CNTN3: variants seen among roughly 807,000 people sequenced by gnomAD.
The protein encoded by CNTN3 is contactin-3.
A neutral mutation model predicts 119.1 loss-of-function variants in CNTN3; 60 were observed. The observed-to-expected ratio is 0.50, with a 90% CI of 0.41 to 0.62. The LOEUF (loss-of-function observed/expected upper bound fraction) is 0.62, where lower values mean the gene tolerates loss of function less well. CNTN3 is among the 20% of genes least tolerant of loss of function. The probability of loss-of-function intolerance (pLI) is 0.00; values close to 1 mark genes in which losing one functional copy is unlikely to be tolerated. For missense variants in CNTN3, 1,101 were observed against 1,242.4 expected (o/e 0.89, Z 1.71); for synonymous variants, 450 against 438.7 (o/e 1.03, Z -0.32).
chr3:74,372,249 G>C (rs913220009), intron 5 of CNTN3, among the ~76,000 whole-genome samples: 1 of 152,094 alleles, frequency 6.6e-6, no homozygotes, highest in African/African-American at 2.4e-5. Flanking sequence ...AAGGCACTTA[G>C]TAGGGCCTCA....
intron 5 of CNTN3, among the ~76,000 whole-genome samples, chr3:74,392,338 T>C (rs1704932281): frequency 6.6e-6 from 1 of 152,174 alleles, no homozygotes; most frequent in Non-Finnish European, 1.5e-5. Flanking sequence ...TCCTGTTTTC[T>C]TTCTTTCTTT....
chr3:74,288,159 C>CTTTTTTTTTT (rs3084509), intron 19 of CNTN3, among the ~76,000 whole-genome samples: 47 of 90,342 alleles, frequency 5.2e-4, no homozygotes, highest in Non-Finnish European at 6.7e-4. Context: ...CTTTTCTTTT[C>CTTTTTTTTTT]TTTTTTTTTT....
chr3:74,318,728 G>A, intron 13 of CNTN3, among the ~76,000 whole-genome samples: 1 of 152,128 alleles, frequency 6.6e-6, no homozygotes, highest in East Asian at 1.9e-4. Context: ...TTTTGTCTCA[G>A]AGGAGTACCT....
At chr3:74,595,226 T>C (rs1704784568) in intron 1 of CNTN3, among the ~76,000 whole-genome samples, 1 of 151,920 alleles carries the variant, frequency 6.6e-6, no homozygotes, top group East Asian at 1.9e-4. Flanking sequence ...GCAAAAATTT[T>C]CTCCCATTTT....
chr3:74,432,106 T>C (rs1701793208), intron 4 of CNTN3, among the ~76,000 whole-genome samples: 1 of 152,158 alleles, frequency 6.6e-6, no homozygotes, highest in South Asian at 2.1e-4. Context: ...AGTTATCAAA[T>C]TACATCATTA....
chr3:74,278,321 C>G lies in CNTN3; in HGVS notation c.2704+6984G>C, dbSNP rs144341373. Among the ~76,000 whole-genome samples, 208 of 152,110 alleles carry G rather than the reference C, an allele frequency of 1.4e-3. 5 individuals carry two copies. In the East Asian group the frequency reaches 0.035, roughly 26 times the overall value. On this transcript the variant is annotated intron_variant, in intron 20 of 22. Coordinates refer to ENST00000263665, the MANE Select transcript of CNTN3 (RefSeq NM_020872.3). ...AGAAAGCAAGACTAAGCAAAAAGAA[C>G]AAATCTAGAGGCATCACATTACCTG...
intron 2 of CNTN3, among the ~76,000 whole-genome samples, chr3:74,508,849 T>C (rs900580578): frequency 2.0e-5 from 3 of 152,178 alleles, no homozygotes; most frequent in African/African-American, 4.8e-5. Flanking sequence ...TAGGAGGGAA[T>C]GGGTGACAAC....
intron 2 of CNTN3, among the ~76,000 whole-genome samples, 189 bp downstream of exon 2, chr3:74,520,869 T>G (rs1372941476): frequency 1.3e-5 from 2 of 151,632 alleles, no homozygotes; most frequent in Non-Finnish European, 3.0e-5. Flanking sequence ...AAAAATGGCT[T>G]ACAAAAATAA....
At chr3:74,276,304 C>T (rs1039262627) in intron 20 of CNTN3, among the ~76,000 whole-genome samples, 3 of 152,064 alleles carry the variant, frequency 2.0e-5, no homozygotes, top group East Asian at 1.9e-4. Flanking sequence ...CAGATATATA[C>T]GGAACATTCC....
intron 1 of CNTN3, among the ~76,000 whole-genome samples, chr3:74,530,050 T>C (rs1202035827): frequency 6.6e-6 from 1 of 152,000 alleles, no homozygotes; most frequent in Non-Finnish European, 1.5e-5. Context: ...AGGAGAGTGA[T>C]CTTGGGGAAA....
chr3:74,411,607 T>C (rs1207204109), intron 5 of CNTN3, among the ~76,000 whole-genome samples: 2 of 152,206 alleles, frequency 1.3e-5, no homozygotes, highest in African/African-American at 4.8e-5. Context: ...ATGGGGCCTA[T>C]TACCATTCTG....
intron 4 of CNTN3, among the ~76,000 whole-genome samples, chr3:74,431,816 A>G (rs1701787840): frequency 6.6e-6 from 1 of 152,198 alleles, no homozygotes; most frequent in Non-Finnish European, 1.5e-5. Flanking sequence ...TTAAAAACTG[A>G]AGAGCTCTGC....
chr3:74,608,992 T>A (rs1160264473), intron 1 of CNTN3, among the ~76,000 whole-genome samples: 3 of 151,904 alleles, frequency 2.0e-5, no homozygotes, highest in Admixed American at 1.3e-4. Flanking sequence ...AATGGTAAGG[T>A]TGGAAGTAAA....
At chr3:74,564,220 G>C (rs754612517) in intron 1 of CNTN3, among the ~76,000 whole-genome samples, 8 of 152,006 alleles carry the variant, frequency 5.3e-5, no homozygotes, top group Non-Finnish European at 1.2e-4. Context: ...TCAAACAAAA[G>C]GAGACAGAAG....
At chr3:74,512,739 T>TG (rs1474739201) in intron 2 of CNTN3, among the ~76,000 whole-genome samples, 1 of 148,636 alleles carries the variant, frequency 6.7e-6, no homozygotes, top group East Asian at 2.0e-4. Flanking sequence ...ATGTCATTTG[T>TG]GGCCTTGTAT....
intron 4 of CNTN3, among the ~76,000 whole-genome samples, chr3:74,451,383 T>G (rs577115967): frequency 1.3e-3 from 204 of 152,316 alleles, no homozygotes; most frequent in African/African-American, 4.5e-3. Context: ...CTTGTAAATT[T>G]GTTTCAGTTC....
chr3:74,381,430 C>CA (rs1559573375), intron 5 of CNTN3, among the ~76,000 whole-genome samples: 1 of 152,072 alleles, frequency 6.6e-6, no homozygotes, highest in East Asian at 1.9e-4. Context: ...AAAGTAATCC[C>CA]AGTCTGCCCT....
At chr3:74,378,906 C>G (rs540919037) in intron 5 of CNTN3, among the ~76,000 whole-genome samples, 20 of 152,190 alleles carry the variant, frequency 1.3e-4, no homozygotes, top group Non-Finnish European at 2.4e-4. Flanking sequence ...AAAGCTCATG[C>G]TAGGCCCCTA....
intron 2 of CNTN3, among the ~76,000 whole-genome samples, chr3:74,502,626 C>A (rs370993901): frequency 6.6e-6 from 1 of 152,136 alleles, no homozygotes; most frequent in African/African-American, 2.4e-5. Flanking sequence ...AGCCACACTG[C>A]TCTTGTTCCT....
Sources: gnomAD v4.1 joint callset for allele counts (sites outside exome capture counted in the v4.1 genomes callset) on GRCh38, gnomAD v4.1.1 for gene constraint, MANE v1.5 for transcripts, NCBI Gene and HGNC (gene_info 2026-07-23, HGNC 2026-07-21) for gene names.